PREX1: variants seen among roughly 807,000 people sequenced by gnomAD.
PREX1 encodes the protein phosphatidylinositol 3,4,5-trisphosphate-dependent Rac exchanger 1 protein.
A neutral mutation model predicts 198.3 loss-of-function variants in PREX1; 41 were observed. That is an observed-to-expected ratio of 0.21 (90% CI 0.16 to 0.27). The LOEUF (loss-of-function observed/expected upper bound fraction) is 0.27, where lower values mean the gene tolerates loss of function less well. Among genes scored for constraint, PREX1 ranks in the 10% least tolerant of loss-of-function variants. The pLI, the probability that PREX1 is intolerant of heterozygous loss-of-function variation, is 1.00. For synonymous variants in PREX1, 843 were observed against 887.2 expected (o/e 0.95, Z 0.89); for missense variants, 1,620 against 2,200.7 (o/e 0.74, Z 5.28).
chr20:48,688,089 C>CA lies in PREX1; in HGVS notation c.1334+567dup, dbSNP rs953867165. ...TGCACTTTGTTATGGCAGCCCCAGC[C>CA]AAAAAAAAAATGGGGTGGGGGTGGG... On this transcript the variant is annotated intron_variant, in intron 10 of 39. Transcript: ENST00000371941. 6.3e-3 allele frequency among the ~76,000 whole-genome samples: 903 copies of CA among 144,332 alleles called. 2 individuals carry two copies. The highest frequency in any genetic ancestry group is 9.6e-3 in the Non-Finnish European group (626 of 65,502). The allele number at this position is 144,332 out of a possible 152,430, so 94.7% of individuals were successfully genotyped here.
chr20:48,706,449 A>G (rs979931243), intron 6 of PREX1, among the ~76,000 whole-genome samples: 20 of 152,174 alleles, frequency 1.3e-4, no homozygotes, highest in African/African-American at 4.8e-4. Flanking sequence ...AGTCACCTCT[A>G]TTTGCTCTTG....
intron 3 of PREX1, among the ~76,000 whole-genome samples, chr20:48,741,336 A>AT (rs529633460): frequency 5.1e-4 from 76 of 148,264 alleles, no homozygotes; most frequent in African/African-American, 1.6e-3. Flanking sequence ...TTGGGGCTCG[A>AT]TTTTTTTTTT....
intron 1 of PREX1, among the ~76,000 whole-genome samples, chr20:48,825,251 G>A (rs1018487969): frequency 3.9e-5 from 6 of 152,108 alleles, no homozygotes; most frequent in Admixed American, 3.3e-4. Context: ...TACACAATCC[G>A]TCTGTTTCTG....
At chr20:48,649,612 GC>G in intron 24 of PREX1, 36 bp from the exon 25 acceptor site, 1 of 1,543,520 alleles carries the variant, frequency 6.5e-7, no homozygotes, top group Non-Finnish European at 8.8e-7. Flanking sequence ...CTGGAAAACA[GC>G]CCCCAGCATC....
chr20:48,881,407 A>T, the PREX1 span, among the ~76,000 whole-genome samples: 1 of 150,962 alleles, frequency 6.6e-6, no homozygotes, highest in African/African-American at 2.4e-5. Context: ...CCTCCCTCAT[A>T]TTTTTGGCCT....
At chr20:48,652,814 T>C (rs940042902) in intron 20 of PREX1, 108 bp from the exon 21 acceptor site, 3 of 1,294,012 alleles carry the variant, frequency 2.3e-6, no homozygotes, top group Admixed American at 2.4e-5. Context: ...GGAAACTCAC[T>C]GACCACCAGT....
chr20:48,656,787 G>T (rs2089547194), intron 18 of PREX1, among the ~76,000 whole-genome samples: 2 of 152,172 alleles, frequency 1.3e-5, no homozygotes, highest in South Asian at 4.1e-4. Flanking sequence ...CCCCCAACTA[G>T]ATCTGAGATC....
chr20:48,640,656 T>C (rs1444507574), intron 29 of PREX1, among the ~76,000 whole-genome samples: 2 of 152,144 alleles, frequency 1.3e-5, no homozygotes, highest in Non-Finnish European at 2.9e-5. Context: ...GTCAGGGCAG[T>C]ATCAAATTCA....
intron 1 of PREX1, among the ~76,000 whole-genome samples, chr20:48,806,390 C>T (rs547503900): frequency 1.1e-4 from 17 of 152,348 alleles, no homozygotes; most frequent in African/African-American, 4.1e-4. Flanking sequence ...ATATTACATA[C>T]AGGTCTGCCC....
intron 1 of PREX1, among the ~76,000 whole-genome samples, chr20:48,810,400 T>C (rs1600529760): frequency 2.0e-5 from 3 of 150,944 alleles, no homozygotes; most frequent in African/African-American, 4.9e-5. Flanking sequence ...CTGGGCAACA[T>C]AGTGAGACCC....
intron 25 of PREX1, among the ~76,000 whole-genome samples, 172 bp downstream of exon 25, chr20:48,649,128 G>A (rs1215171139): frequency 6.6e-6 from 1 of 152,144 alleles, no homozygotes; most frequent in Non-Finnish European, 1.5e-5. Flanking sequence ...ATCAGGTGAG[G>A]GGGTGCTACT....
intron 29 of PREX1, among the ~76,000 whole-genome samples, chr20:48,640,098 T>G (rs2089398040): frequency 6.6e-6 from 1 of 152,174 alleles, no homozygotes; most frequent in Non-Finnish European, 1.5e-5. Flanking sequence ...GCATTATTCA[T>G]CAATCTCAGC....
At position 48,632,600 on chromosome 20, in the gene PREX1, G is replaced by A. The variant is rs201401868; in HGVS notation, c.4307C>T (p.Ala1436Val). 3.9e-5 allele frequency: 63 copies of A among 1,613,960 alleles called. No homozygotes were observed. The highest frequency in any genetic ancestry group is 1.3e-4 in the East Asian group (6 of 44,868). Residue 1436 changes from alanine to valine, a missense_variant, in exon 34 of 40, where the codon GCG becomes GTG. By Grantham distance (64) the Ala-to-Val change is moderately conservative. Transcript: ENST00000371941. ...GTCGAGGTAGAAGATGACCTTCAGC[G>A]CCTGCCGGCTGCCCTCAATGTGGTA... ...VFYHIEGSRQ[A>V]LKVIFYLDSY...
the PREX1 span, among the ~76,000 whole-genome samples, chr20:48,881,676 G>A: frequency 7.2e-5 from 11 of 151,966 alleles, no homozygotes; most frequent in African/African-American, 1.5e-4. Context: ...TAGTAGAGAC[G>A]GGGTTTCACC....
chr20:48,625,972 A>C, intron 39 of PREX1, 45 bp from the exon 40 acceptor site: 1 of 1,483,958 alleles, frequency 6.7e-7, no homozygotes, highest in Non-Finnish European at 9.0e-7. Context: ...GGGGCGGGCC[A>C]GGACCTATTT....
chr20:48,683,737 T>C (rs1293945845), intron 10 of PREX1, among the ~76,000 whole-genome samples: 1 of 152,198 alleles, frequency 6.6e-6, no homozygotes, highest in East Asian at 1.9e-4. Flanking sequence ...CAGCATTTCC[T>C]GTGAAATCTC....
Position 48,827,711 on chromosome 20 carries a change from G to T in PREX1, c.150C>A (p.Arg50=). Residue 50 remains arginine, a synonymous_variant, in exon 1 of 40, where the codon CGC becomes CGA. Coordinates refer to ENST00000371941, the MANE Select transcript of PREX1 (RefSeq NM_020820.4). The surrounding 1 kb of genome is among the most constrained non-coding windows in gnomAD (Gnocchi z 4.1). ...ARESERQLRL[R]LCVLNEILGT... The stretch of plus-strand genomic sequence containing the variant: ...CCAAGATCTCGTTGAGGACGCAGAG[G>T]CGGAGGCGCAGCTGGCGCTCGGACT... 7.3e-7 allele frequency: 1 copy of T among 1,373,496 alleles called. No individual in the cohort carries two copies. Among genetic ancestry groups the T allele is most frequent in the Non-Finnish European group, 9.5e-7 (1 of 1,049,418 alleles). The allele number at this position is 1,373,496 out of a possible 1,614,324, so 85.1% of individuals were successfully genotyped here.
the PREX1 span, among the ~76,000 whole-genome samples, chr20:48,865,739 A>G: frequency 6.5e-4 from 98 of 151,606 alleles, no homozygotes; most frequent in South Asian, 2.1e-3. Flanking sequence ...AATTAAATAA[A>G]GTCATCTACA....
At chr20:48,803,355 G>A (rs1340836390) in intron 1 of PREX1, among the ~76,000 whole-genome samples, 1 of 152,132 alleles carries the variant, frequency 6.6e-6, no homozygotes, top group Non-Finnish European at 1.5e-5. Flanking sequence ...TATGCGGGTG[G>A]GGGAGGGAGA....
Sources: allele counts gnomAD v4.1 joint callset (sites outside exome capture counted in the v4.1 genomes callset), GRCh38; gene constraint gnomAD v4.1.1; non-coding constraint Gnocchi (gnomAD v3.1); transcripts MANE v1.5; gene names NCBI Gene and HGNC (gene_info 2026-07-23, HGNC 2026-07-21).